Variants in PLCL1 observed in about 807,000 individuals in gnomAD.
The protein encoded by PLCL1 is inactive phospholipase C-like protein 1.
Under a neutral mutation model 84.4 loss-of-function variants are expected in PLCL1, and 41 were observed. That is an observed-to-expected ratio of 0.49 (90% CI 0.38 to 0.63). The LOEUF is 0.63. Among genes scored for constraint, PLCL1 ranks in the 30% least tolerant of loss-of-function variants. The probability of loss-of-function intolerance (pLI) is 0.00; values close to 1 mark genes in which losing one functional copy is unlikely to be tolerated. For missense variants in PLCL1, 1,206 were observed against 1,367.8 expected, an observed-to-expected ratio of 0.88 and a Z score of 1.87; for synonymous variants, 490 against 488.3, an observed-to-expected ratio of 1.00 and a Z score of -0.05.
chr2:198,139,404 T>C (rs890394040), intron 5 of PLCL1, among the ~76,000 whole-genome samples: 1 of 152,208 alleles, frequency 6.6e-6, no homozygotes, highest in Non-Finnish European at 1.5e-5. Flanking sequence ...TTCCATTAAA[T>C]ATGTATTTTT....
At chr2:198,107,442 G>C (rs945104959) in intron 5 of PLCL1, among the ~76,000 whole-genome samples, 1 of 151,856 alleles carries the variant, frequency 6.6e-6, no homozygotes, top group African/African-American at 2.4e-5. Context: ...GACTAGCCAA[G>C]TTATATAATC....
chr2:197,840,752 A>G (rs1686980950), intron 1 of PLCL1, among the ~76,000 whole-genome samples: 1 of 152,174 alleles, frequency 6.6e-6, no homozygotes, highest in Admixed American at 6.5e-5. Flanking sequence ...AATGATCCTC[A>G]TACGTGGAAG....
chr2:198,031,550 G>T (rs1439170631), intron 1 of PLCL1, among the ~76,000 whole-genome samples: 1 of 151,668 alleles, frequency 6.6e-6, no homozygotes, highest in Non-Finnish European at 1.5e-5. Flanking sequence ...GAATGCAGTG[G>T]TGTGATCAGA....
chr2:197,987,331 A>C (rs1690239084), intron 1 of PLCL1, among the ~76,000 whole-genome samples: 1 of 152,158 alleles, frequency 6.6e-6, no homozygotes, highest in Non-Finnish European at 1.5e-5. Flanking sequence ...CAGATTTCCA[A>C]CTTCTTTAGA....
intron 1 of PLCL1, among the ~76,000 whole-genome samples, chr2:198,018,910 T>G (rs1691064104): frequency 6.6e-6 from 1 of 152,136 alleles, no homozygotes; most frequent in African/African-American, 2.4e-5. Context: ...CTCAAATGGG[T>G]CCCTGACCCT....
At chr2:198,019,287 TA>T (rs35008316) in intron 1 of PLCL1, among the ~76,000 whole-genome samples, 2,587 of 152,198 alleles carry the variant, frequency 0.017, 36 homozygotes, top group Non-Finnish European at 0.027. Flanking sequence ...AAATCCAGCA[TA>T]AAAAGGGTGA....
intron 1 of PLCL1, among the ~76,000 whole-genome samples, chr2:198,078,656 C>G (rs1205345637): frequency 6.6e-6 from 1 of 151,806 alleles, no homozygotes; most frequent in Non-Finnish European, 1.5e-5. Context: ...GTTTTGATTT[C>G]TAGTCTTTAG....
At chr2:198,090,653 GAA>G (rs1246218331) in intron 3 of PLCL1, among the ~76,000 whole-genome samples, 1 of 152,140 alleles carries the variant, frequency 6.6e-6, no homozygotes, top group African/African-American at 2.4e-5. Flanking sequence ...CATTTTTCAT[GAA>G]ATCAACTTTT....
chr2:197,955,897 C>T (rs894003915), intron 1 of PLCL1, among the ~76,000 whole-genome samples: 2 of 151,862 alleles, frequency 1.3e-5, no homozygotes, highest in African/African-American at 4.8e-5. Context: ...TGGTTTGCTG[C>T]ACCTATCAAC....
chr2:198,099,327 C>A (rs1324123058), intron 3 of PLCL1, among the ~76,000 whole-genome samples: 1 of 152,006 alleles, frequency 6.6e-6, no homozygotes, highest in Non-Finnish European at 1.5e-5. Context: ...TTCTCCCTGA[C>A]AACTTAGATA....
rs78535967 is a variant in PLCL1 at position 197,995,282 on chromosome 2, T to C, written c.241-88476T>C. ...AGAACCAGACTGTTCATTCTTTCCT[T>C]TCCCTCCTTTTCTCTTCTTCCACTC... On this transcript the variant is annotated intron_variant, in intron 1 of 5. Transcript: ENST00000428675. 9.3e-3 allele frequency among the ~76,000 whole-genome samples: 1,411 copies of C among 152,248 alleles called. 22 individuals carry two copies. Among genetic ancestry groups the C allele is most frequent in the African/African-American group, 0.032 (1,337 of 41,554 alleles).
intron 5 of PLCL1, among the ~76,000 whole-genome samples, chr2:198,131,636 C>G (rs1694120722): frequency 6.6e-6 from 1 of 152,194 alleles, no homozygotes; most frequent in Admixed American, 6.5e-5. Flanking sequence ...CTTCCCACTG[C>G]AGACATCAGC....
chr2:198,124,754 A>T (rs933222245), intron 5 of PLCL1, among the ~76,000 whole-genome samples: 4 of 152,090 alleles, frequency 2.6e-5, no homozygotes, highest in Non-Finnish European at 4.4e-5. Context: ...CTTATGGGAG[A>T]TACAGATGTT....
intron 1 of PLCL1, among the ~76,000 whole-genome samples, chr2:197,991,168 AAGG>A (rs1690338689): frequency 6.6e-6 from 1 of 152,104 alleles, no homozygotes; most frequent in African/African-American, 2.4e-5. Context: ...AACAAAAACA[AAGG>A]AAAGAGAAAC....
chr2:197,909,063 C>T lies in PLCL1; in HGVS notation c.240+103724C>T, dbSNP rs149671408. On this transcript the variant is annotated intron_variant, in intron 1 of 5. Coordinates refer to ENST00000428675, the MANE Select transcript of PLCL1 (RefSeq NM_006226.4). ...AAGATTTAATCTTCAAGGATAAATG[C>T]GGCATTCAGTTTCCCACTGCTGCTA... 3.9e-3 allele frequency among the ~76,000 whole-genome samples: 589 copies of T among 152,270 alleles called. 6 individuals are homozygous for T. The highest frequency in any genetic ancestry group is 0.014 in the African/African-American group (566 of 41,562).
At chr2:198,031,456 A>G (rs1379228358) in intron 1 of PLCL1, among the ~76,000 whole-genome samples, 1 of 151,564 alleles carries the variant, frequency 6.6e-6, no homozygotes, top group Non-Finnish European at 1.5e-5. Context: ...AAGGGGTGAG[A>G]TTTTATATTT....
chr2:198,090,618 G>A (rs2105903332), intron 3 of PLCL1, among the ~76,000 whole-genome samples: 1 of 152,248 alleles, frequency 6.6e-6, no homozygotes, highest in African/African-American at 2.4e-5. Flanking sequence ...TTGCTAGGGG[G>A]AAAGTTTACC....
intron 1 of PLCL1, among the ~76,000 whole-genome samples, chr2:197,860,457 C>A (rs1687408607): frequency 6.6e-6 from 1 of 152,110 alleles, no homozygotes; most frequent in African/African-American, 2.4e-5. Flanking sequence ...CACTACACTG[C>A]TTTCCACAAT....
chr2:198,009,816 G>A (rs1442805478), intron 1 of PLCL1, among the ~76,000 whole-genome samples: 1 of 151,976 alleles, frequency 6.6e-6, no homozygotes, highest in Non-Finnish European at 1.5e-5. Context: ...CATGAGCATG[G>A]GATGTCTTTC....
Sources: allele counts gnomAD v4.1 joint callset (sites outside exome capture counted in the v4.1 genomes callset), GRCh38; gene constraint gnomAD v4.1.1; transcripts MANE v1.5; gene names NCBI Gene and HGNC (gene_info 2026-07-23, HGNC 2026-07-21).